TMEM132D: variants seen among roughly 807,000 people sequenced by gnomAD.
The protein encoded by TMEM132D is mature OL transmembrane protein.
TMEM132D carries 21 observed loss-of-function variants against 62.3 expected under a neutral mutation model. The observed-to-expected ratio is 0.34, with a 90% CI of 0.24 to 0.49. The LOEUF (loss-of-function observed/expected upper bound fraction) is 0.49, where lower values mean the gene tolerates loss of function less well. Among genes scored for constraint, TMEM132D ranks in the 20% least tolerant of loss-of-function variants. TMEM132D has a pLI of 0.99. For missense variants in TMEM132D, 1,346 were observed against 1,402.8 expected (o/e 0.96, Z 0.65); for synonymous variants, 621 against 575.6 (o/e 1.08, Z -1.13).
At chr12:129,100,649 G>T (rs1382452207) in intron 5 of TMEM132D, among the ~76,000 whole-genome samples, 1 of 152,156 alleles carries the variant, frequency 6.6e-6, no homozygotes, top group Non-Finnish European at 1.5e-5. Flanking sequence ...TTTTTTTCTG[G>T]AGTGAATGAA....
intron 3 of TMEM132D, among the ~76,000 whole-genome samples, chr12:129,527,616 C>T (rs56239555): frequency 0.19 from 28,765 of 152,018 alleles, 3,215 homozygotes; most frequent in Non-Finnish European, 0.25. Context: ...ACATATCAAC[C>T]GTGGTGAGCT....
chr12:129,686,399 A>G lies in TMEM132D; in HGVS notation c.968+13411T>C, dbSNP rs143037844. Among the ~76,000 whole-genome samples the G allele has an allele frequency of 1.5e-4, 23 of 152,216 alleles. No homozygotes were observed. The East Asian group carries it at 4.1e-3, about 27-fold the overall frequency. On this transcript the variant is annotated intron_variant, in intron 2 of 8. Coordinates refer to ENST00000422113, the MANE Select transcript of TMEM132D (RefSeq NM_133448.3). ...AAGGGGCTTTTCCCCTTTGCTCAGC[A>G]CTTCTCCTTCCAGCTTTCACATGAA...
intron 3 of TMEM132D, among the ~76,000 whole-genome samples, chr12:129,373,198 T>C (rs1212632787): frequency 6.6e-6 from 1 of 152,124 alleles, no homozygotes; most frequent in African/African-American, 2.4e-5. Flanking sequence ...TGTGAACAAA[T>C]CCTTCTAATG....
At chr12:129,839,207 G>A (rs1035909099) in intron 1 of TMEM132D, among the ~76,000 whole-genome samples, 6 of 135,462 alleles carry the variant, frequency 4.4e-5, no homozygotes, top group Admixed American at 8.2e-5. Context: ...TCTCAGCCCC[G>A]CAACCTTCGC....
chr12:129,075,840 T>G (rs1207828992), intron 8 of TMEM132D, among the ~76,000 whole-genome samples: 4 of 152,252 alleles, frequency 2.6e-5, no homozygotes, highest in Admixed American at 2.6e-4. Flanking sequence ...TCATTGGAGA[T>G]AACCTCCAAT....
At chr12:129,233,785 C>A (rs1224417635) in intron 4 of TMEM132D, among the ~76,000 whole-genome samples, 1 of 152,062 alleles carries the variant, frequency 6.6e-6, no homozygotes, top group African/African-American at 2.4e-5. Context: ...TGCCACCACG[C>A]CCGGCTAACC....
At chr12:129,318,174 T>C (rs769422728) in intron 4 of TMEM132D, among the ~76,000 whole-genome samples, 23 of 152,154 alleles carry the variant, frequency 1.5e-4, no homozygotes, top group Admixed American at 3.3e-4. Flanking sequence ...TTTGGATCCA[T>C]TGCTGGTGAA....
intron 3 of TMEM132D, among the ~76,000 whole-genome samples, chr12:129,467,332 T>A (rs1873941713): frequency 6.6e-6 from 1 of 152,126 alleles, no homozygotes; most frequent in African/African-American, 2.4e-5. Context: ...CCAAGCAGAC[T>A]CTCAAAGATG....
chr12:129,120,149 T>G (rs1876013022), intron 5 of TMEM132D, among the ~76,000 whole-genome samples: 1 of 152,166 alleles, frequency 6.6e-6, no homozygotes. Context: ...TTAGAAGCAC[T>G]GCATAAGACC....
intron 3 of TMEM132D, among the ~76,000 whole-genome samples, chr12:129,447,276 T>G (rs185158896): frequency 1.2e-3 from 180 of 152,348 alleles, no homozygotes; most frequent in African/African-American, 4.2e-3. Flanking sequence ...TCTTCTCACT[T>G]CAGTCATTGT....
chr12:129,512,704 C>T (rs977010851), intron 3 of TMEM132D, among the ~76,000 whole-genome samples: 12 of 152,208 alleles, frequency 7.9e-5, no homozygotes, highest in African/African-American at 2.9e-4. Flanking sequence ...TTCTGGTCAG[C>T]TTGTGCTAAC....
intron 5 of TMEM132D, among the ~76,000 whole-genome samples, chr12:129,091,522 G>A (rs922305389): frequency 2.0e-5 from 3 of 146,398 alleles, no homozygotes; most frequent in African/African-American, 7.6e-5. Context: ...CCTTACCTAT[G>A]CTCACCTGGG....
At chr12:129,246,800 T>G (rs1441554051) in intron 4 of TMEM132D, among the ~76,000 whole-genome samples, 1 of 151,858 alleles carries the variant, frequency 6.6e-6, no homozygotes, top group East Asian at 1.9e-4. Flanking sequence ...AGGCACATGG[T>G]ATCAAGAGGA....
intron 2 of TMEM132D, among the ~76,000 whole-genome samples, chr12:129,552,465 TATTC>T (rs1566107323): frequency 1.3e-5 from 2 of 152,128 alleles, no homozygotes; most frequent in African/African-American, 4.8e-5. Flanking sequence ...CATCTGTTTA[TATTC>T]ATTATCTATT....
intron 2 of TMEM132D, among the ~76,000 whole-genome samples, chr12:129,593,407 A>C (rs1288468296): frequency 1.3e-5 from 2 of 152,228 alleles, no homozygotes; most frequent in Admixed American, 1.3e-4. Context: ...GAAGAAAGAC[A>C]AGTAAAACTG....
intron 2 of TMEM132D, among the ~76,000 whole-genome samples, chr12:129,539,103 T>C (rs142000050): frequency 6.5e-4 from 99 of 152,298 alleles, no homozygotes; most frequent in African/African-American, 2.2e-3. Flanking sequence ...AGGTGTCTCA[T>C]GCAGGAGGGT....
intron 4 of TMEM132D, among the ~76,000 whole-genome samples, chr12:129,226,296 C>T (rs1036837352): frequency 2.6e-5 from 4 of 152,252 alleles, no homozygotes; most frequent in African/African-American, 9.6e-5. Flanking sequence ...GAGGAAATGC[C>T]TGGCCAGGAT....
intron 4 of TMEM132D, among the ~76,000 whole-genome samples, chr12:129,244,213 G>A (rs1237338399): frequency 2.2e-5 from 3 of 135,002 alleles, no homozygotes; most frequent in East Asian, 2.1e-4. Context: ...GTGAAACCCC[G>A]TCTCTACTAA....
At chr12:129,556,389 A>AGG (rs1478111643) in intron 2 of TMEM132D, among the ~76,000 whole-genome samples, 3 of 152,104 alleles carry the variant, frequency 2.0e-5, no homozygotes. Context: ...CATGGGTCCA[A>AGG]GCTGAGCGCA....
Sources: gnomAD v4.1 joint callset for allele counts (sites outside exome capture counted in the v4.1 genomes callset) on GRCh38, gnomAD v4.1.1 for gene constraint, MANE v1.5 for transcripts, NCBI Gene and HGNC (gene_info 2026-07-23, HGNC 2026-07-21) for gene names.